The following ALMS1 variants were observed in gnomAD, a reference collection of about 807,000 sequenced individuals.
The protein encoded by ALMS1 is ALMS1 centrosome and basal body associated protein, also known as centrosome-associated protein ALMS1.
ALMS1 carries 271 observed loss-of-function variants against 352.2 expected under a neutral mutation model. The ratio of observed to expected loss-of-function variants is 0.77; its 90% CI spans 0.70 to 0.85. The LOEUF is 0.85. ALMS1 is among the 40% of genes least tolerant of loss of function. The pLI is 0.00. For missense variants in ALMS1, 5,445 were observed against 4,870.7 expected (o/e 1.12, Z -3.51); for synonymous variants, 1,865 against 1,761.2 (o/e 1.06, Z -1.48).
chr2:73,569,110 A>G (rs897040651), intron 15 of ALMS1, among the ~76,000 whole-genome samples: 2 of 135,394 alleles, frequency 1.5e-5, no homozygotes, highest in Non-Finnish European at 3.0e-5. Context: ...CACCTTTTGG[A>G]TTTAAGCAGT....
At chr2:73,461,629 A>G (rs1346956581) in intron 9 of ALMS1, among the ~76,000 whole-genome samples, 1 of 152,204 alleles carries the variant, frequency 6.6e-6, no homozygotes, top group Non-Finnish European at 1.5e-5. Context: ...GAGTTGAGAG[A>G]AGAAGGCTTC....
In ALMS1 at chr2:73,452,876, G is replaced by A. The variant is rs757414669; in HGVS notation, c.6349G>A (p.Asp2117Asn). 1.2e-6 allele frequency: 2 copies of A among 1,613,892 alleles called. No homozygotes were observed. The highest frequency in any genetic ancestry group is 1.7e-6 in the Non-Finnish European group (2 of 1,179,974). ...ATTGCCAGGTAGTCATGTAACTGAA[G>A]ATGTGCTGAAGGTTTCAACAATTCC... ...QELPGSHVTEDVLKVSTIPGP... is the reference protein window; with the variant it reads ...QELPGSHVTENVLKVSTIPGP... The change falls in exon 8 of 23, where the codon GAT becomes AAT. Residue 2117 changes from aspartate (D) to asparagine (N), a missense_variant. Transcript: ENST00000613296.
chr2:73,527,992 A>C (rs1280073610), intron 11 of ALMS1, among the ~76,000 whole-genome samples: 1 of 151,540 alleles, frequency 6.6e-6, no homozygotes, highest in Non-Finnish European at 1.5e-5. Context: ...TTCTTTCTTG[A>C]TTTCTTCCTT....
chr2:73,474,708 A>G (rs1451552481), intron 9 of ALMS1, among the ~76,000 whole-genome samples: 1 of 152,058 alleles, frequency 6.6e-6, no homozygotes, highest in Non-Finnish European at 1.5e-5. Flanking sequence ...TCTTTTGAGA[A>G]GAGATAATTT....
chr2:73,606,453 TA>T (rs574517227), intron 21 of ALMS1, among the ~76,000 whole-genome samples: 16 of 152,322 alleles, frequency 1.1e-4, no homozygotes, highest in African/African-American at 3.8e-4. Context: ...GTCCCTGCTG[TA>T]AGGGACTAGG....
intron 16 of ALMS1, among the ~76,000 whole-genome samples, chr2:73,594,031 A>G (rs1343048235): frequency 3.3e-5 from 5 of 152,250 alleles, no homozygotes; most frequent in Non-Finnish European, 7.3e-5. Flanking sequence ...CAAAACTGCT[A>G]TGAATATTCA....
rs142017457 is a variant in ALMS1 at position 73,464,908 on chromosome 2, A to G, written c.7674+9613A>G. ...TTACAAGGGATGGAAGGACTTCTTC[A>G]AGGAGAACTACAAACCACTGCTCAA... is the stretch of plus-strand genomic sequence containing the variant. On this transcript the variant is annotated intron_variant, in intron 9 of 22. Coordinates refer to ENST00000613296, the MANE Select transcript of ALMS1 (RefSeq NM_001378454.1). Among the ~76,000 whole-genome samples, 1,280 of 152,328 alleles carry G rather than the reference A, an allele frequency of 8.4e-3. 16 individuals are homozygous for G. The highest frequency in any genetic ancestry group is 0.027 in the African/African-American group (1,132 of 41,560).
intron 16 of ALMS1, among the ~76,000 whole-genome samples, chr2:73,575,806 T>C (rs969806874): frequency 1.6e-4 from 25 of 152,188 alleles, no homozygotes; most frequent in Non-Finnish European, 1.2e-4. Flanking sequence ...TGACCGTGTC[T>C]TCTGACATAT....
intron 12 of ALMS1, among the ~76,000 whole-genome samples, chr2:73,541,536 A>G (rs1203971495): frequency 6.6e-6 from 1 of 152,246 alleles, no homozygotes. Context: ...ACTGAAGGAA[A>G]TAGAGTCACA....
At chr2:73,571,858 A>T (rs1456224222) in intron 15 of ALMS1, among the ~76,000 whole-genome samples, 2 of 152,204 alleles carry the variant, frequency 1.3e-5, no homozygotes, top group African/African-American at 4.8e-5. Flanking sequence ...CAGGTTTCTT[A>T]GCTGAATATG....
At chr2:73,471,337 C>T (rs1361219252) in intron 9 of ALMS1, among the ~76,000 whole-genome samples, 1 of 149,814 alleles carries the variant, frequency 6.7e-6, no homozygotes, top group African/African-American at 2.5e-5. Flanking sequence ...AATAGACAAA[C>T]AGGACTGCAT....
chr2:73,505,454 G>A (rs1274450887), intron 10 of ALMS1, among the ~76,000 whole-genome samples: 2 of 152,122 alleles, frequency 1.3e-5, no homozygotes, highest in Non-Finnish European at 2.9e-5. Context: ...GTTTTGATTT[G>A]CATTTCTCTA....
At chr2:73,531,777 A>C (rs545963449) in intron 11 of ALMS1, among the ~76,000 whole-genome samples, 1 of 152,242 alleles carries the variant, frequency 6.6e-6, no homozygotes, top group Non-Finnish European at 1.5e-5. Context: ...GAAACTTACA[A>C]TCATGGCGGA....
In ALMS1 at chr2:73,419,289, A is replaced by G. The variant is rs1671241489; in HGVS notation, c.617A>G (p.Asn206Ser). 1.2e-6 allele frequency: 2 copies of G among 1,614,068 alleles called. No individual in the cohort carries two copies. Among genetic ancestry groups the G allele is most frequent in the East Asian group, 4.5e-5 (2 of 44,868 alleles). The part of the protein sequence containing the change: ...TQSENQVKEP[N>S]RDLFCSPLLV... ...TCAGAAAATCAAGTAAAGGAACCCA[A>G]CAGAGATCTCTTCTGTTCTCCACTG... The change falls in exon 3 of 23, where the codon AAC becomes AGC. Residue 206 changes from asparagine to serine, a missense_variant. Physicochemically the swap from Asn to Ser is conservative, Grantham distance 46 (BLOSUM62 1). Coordinates refer to ENST00000613296, the MANE Select transcript of ALMS1 (RefSeq NM_001378454.1).
intron 16 of ALMS1, among the ~76,000 whole-genome samples, chr2:73,587,956 T>A (rs1186068141): frequency 6.6e-6 from 1 of 152,124 alleles, no homozygotes; most frequent in Admixed American, 6.5e-5. Context: ...ACAACCCTTC[T>A]ATATTAAATC....
At position 73,490,821 on chromosome 2, in the gene ALMS1, T is replaced by G. The variant is rs372578574; in HGVS notation, c.8862T>G (p.Asp2954Glu). 12 of 1,613,918 alleles carry G rather than the reference T, an allele frequency of 7.4e-6. No individual in the cohort carries two copies. Among genetic ancestry groups the G allele is most frequent in the Non-Finnish European group, 9.3e-6 (11 of 1,180,010 alleles). Reference sequence around the variant, plus strand: ...ATTCTCCCCTTCCTCAAGGTCAGGATTCTATAGCTTCAGACCTTCCGTCTC... The same window carrying G: ...ATTCTCCCCTTCCTCAAGGTCAGGAGTCTATAGCTTCAGACCTTCCGTCTC... ...ENHSPLPQGQ[D>E]SIASDLPSPI... Residue 2954 changes from aspartate (D) to glutamate (E), a missense_variant, in exon 10 of 23, where the codon GAT becomes GAG. Coordinates refer to ENST00000613296, the MANE Select transcript of ALMS1 (RefSeq NM_001378454.1).
chr2:73,437,020 G>A (rs1671616987), intron 7 of ALMS1, among the ~76,000 whole-genome samples: 3 of 152,106 alleles, frequency 2.0e-5, no homozygotes, highest in Admixed American at 6.6e-5. Flanking sequence ...TCCCTTCTCT[G>A]GGCTGGTAAC....
chr2:73,500,354 A>C (rs533877460), intron 10 of ALMS1, among the ~76,000 whole-genome samples: 1 of 152,092 alleles, frequency 6.6e-6, no homozygotes, highest in Non-Finnish European at 1.5e-5. Flanking sequence ...GCCCTTTTCT[A>C]GGTACTTTTA....
intron 9 of ALMS1, among the ~76,000 whole-genome samples, chr2:73,484,771 T>G (rs1672789529): frequency 6.6e-6 from 1 of 152,190 alleles, no homozygotes; most frequent in Non-Finnish European, 1.5e-5. Flanking sequence ...GCTTTGCTCA[T>G]TTCTTTTTAT....
Sources: allele counts gnomAD v4.1 joint callset (sites outside exome capture counted in the v4.1 genomes callset), GRCh38; gene constraint gnomAD v4.1.1; transcripts MANE v1.5; gene names NCBI Gene and HGNC (gene_info 2026-07-23, HGNC 2026-07-21).